Variants in MICAL2 observed in about 807,000 individuals in gnomAD.
MICAL2 encodes microtubule associated monooxygenase, calponin and LIM domain containing 2.
A neutral mutation model predicts 127.3 loss-of-function variants in MICAL2; 77 were observed. That is an observed-to-expected ratio of 0.60 (90% confidence interval 0.50 to 0.73). MICAL2 has a LOEUF of 0.73. Among genes scored for constraint, MICAL2 ranks in the 30% least tolerant of loss-of-function variants. The pLI, the probability that MICAL2 is intolerant of heterozygous loss-of-function variation, is 0.00. For missense variants in MICAL2, 1,351 were observed against 1,434.4 expected, an observed-to-expected ratio of 0.94 and a Z score of 0.94; for synonymous variants, 570 against 551.1, an observed-to-expected ratio of 1.03 and a Z score of -0.48.
chr11:12,321,547 GC>G (rs1487706677), intron 30 of MICAL2, among the ~76,000 whole-genome samples: 1 of 152,166 alleles, frequency 6.6e-6, no homozygotes, highest in Non-Finnish European at 1.5e-5. Flanking sequence ...CTTTGATTCT[GC>G]CAAGCTTCTG....
At chr11:12,245,357 AC>A (rs1277734450) in intron 21 of MICAL2, among the ~76,000 whole-genome samples, 1 of 152,224 alleles carries the variant, frequency 6.6e-6, no homozygotes, top group Non-Finnish European at 1.5e-5. Flanking sequence ...TGATGCACAA[AC>A]CAGCTCCATG....
intron 3 of MICAL2, among the ~76,000 whole-genome samples, chr11:12,169,051 A>G (rs966801237): frequency 1.3e-5 from 2 of 151,796 alleles, no homozygotes; most frequent in Non-Finnish European, 2.9e-5. Context: ...AAAAAAAAGG[A>G]AAGAAAATTT....
upstream of MICAL2, chr11:12,275,889 G>A (rs1027412743): frequency 1.0e-4 from 40 of 398,280 alleles, no homozygotes; most frequent in African/African-American, 7.8e-4. Flanking sequence ...GAGTATCTGA[G>A]TAGACCCCAG....
intron 2 of MICAL2, among the ~76,000 whole-genome samples, chr11:12,150,691 A>G (rs1853477565): frequency 6.6e-6 from 1 of 152,110 alleles, no homozygotes; most frequent in Non-Finnish European, 1.5e-5. Flanking sequence ...TCAAGTCCCA[A>G]AGGCCTAATT....
chr11:12,254,869 T>A (rs1003785493), intron 22 of MICAL2: 1 of 152,050 alleles, frequency 6.6e-6, no homozygotes, highest in African/African-American at 2.4e-5. Flanking sequence ...CGAATTTTTT[T>A]ATTGTGTTAA....
intron 29 of MICAL2, among the ~76,000 whole-genome samples, chr11:12,306,618 C>T (rs1864113037): frequency 1.3e-5 from 2 of 152,276 alleles, no homozygotes; most frequent in Non-Finnish European, 2.9e-5. Flanking sequence ...GAATTAATCC[C>T]TTTTCCATAT....
At chr11:12,234,739 A>G (rs1858787628) in intron 15 of MICAL2, among the ~76,000 whole-genome samples, 4 of 152,180 alleles carry the variant, frequency 2.6e-5, no homozygotes, top group African/African-American at 9.7e-5. Context: ...AGGACAAGAG[A>G]TGAGGATGCA....
chr11:12,164,354 C>T (rs527847604), intron 3 of MICAL2, among the ~76,000 whole-genome samples: 9 of 152,188 alleles, frequency 5.9e-5, no homozygotes, highest in East Asian at 5.8e-4. Flanking sequence ...TCGTAAAAAC[C>T]GCCTGAATGC....
chr11:12,293,480 T>C (rs541363887), downstream of MICAL2: 4 of 1,478,210 alleles, frequency 2.7e-6, no homozygotes, highest in Admixed American at 8.8e-5. Flanking sequence ...GGGAGGGGGT[T>C]GTAGATTGAG....
chr11:12,241,758 G>C (rs1261969203), intron 18 of MICAL2, among the ~76,000 whole-genome samples: 2 of 152,220 alleles, frequency 1.3e-5, no homozygotes, highest in African/African-American at 4.8e-5. Context: ...TTTGTGTGTT[G>C]CTCCCAGGTG....
chr11:12,357,227 G>A (rs948441907), intron 34 of MICAL2, among the ~76,000 whole-genome samples: 2 of 152,210 alleles, frequency 1.3e-5, no homozygotes, highest in African/African-American at 4.8e-5. Flanking sequence ...GTTAGACACA[G>A]GGGCTCTAGG....
At chr11:12,324,583 A>G (rs1436344704) in intron 31 of MICAL2, among the ~76,000 whole-genome samples, 1 of 152,214 alleles carries the variant, frequency 6.6e-6, no homozygotes, top group African/African-American at 2.4e-5. Flanking sequence ...CCACAACTCC[A>G]TCACAGACAG....
Position 12,322,511 on chromosome 11 carries a change from G to T in MICAL2, c.5329-1467G>T, listed in dbSNP as rs556573452. On this transcript the variant is annotated intron_variant, in intron 30 of 34. Transcript: ENST00000646065. ...TCTTTAGGATTTTAGGTCCTAAGGAGAATTCCAGAAAAATAGCCTGTAGGC... is the reference window on the plus strand; with the variant it reads ...TCTTTAGGATTTTAGGTCCTAAGGATAATTCCAGAAAAATAGCCTGTAGGC... Among the ~76,000 whole-genome samples the T allele has an allele frequency of 1.5e-3, 230 of 152,270 alleles. 2 individuals carry two copies. The highest frequency in any genetic ancestry group is 2.6e-3 in the Non-Finnish European group (177 of 68,014).
chr11:12,258,350 G>T, intron 24 of MICAL2, 118 bp from the exon 25 acceptor site: 2 of 781,838 alleles, frequency 2.6e-6, no homozygotes, highest in East Asian at 2.5e-5. Flanking sequence ...AGCCACCCTG[G>T]GCTATTTCCA....
At chr11:12,175,594 T>TGTGTGTGC (rs935016788) in intron 3 of MICAL2, among the ~76,000 whole-genome samples, 2 of 151,890 alleles carry the variant, frequency 1.3e-5, no homozygotes, top group African/African-American at 4.8e-5. Flanking sequence ...TCTGTGTGTG[T>TGTGTGTGC]GTGTGTGTGT....
downstream of MICAL2, chr11:12,294,406 G>A (rs749239443): frequency 1.9e-6 from 3 of 1,614,100 alleles, no homozygotes; most frequent in African/African-American, 4.0e-5. Flanking sequence ...ACGGGGACCA[G>A]CATTCCCCTG....
chr11:12,306,408 T>A (rs1002675869), intron 29 of MICAL2, among the ~76,000 whole-genome samples: 3 of 152,194 alleles, frequency 2.0e-5, no homozygotes, highest in South Asian at 4.1e-4. Flanking sequence ...ATATGGTCAT[T>A]TAGGTAGAAA....
rs377433253 is a variant in MICAL2 at position 12,244,153 on chromosome 11, G to T, written c.2784+41G>T. 863 of 1,610,904 alleles carry T rather than the reference G, an allele frequency of 5.4e-4. 1 individual carries two copies. Among genetic ancestry groups the T allele is most frequent in the Non-Finnish European group, 6.0e-4 (705 of 1,177,274 alleles). ...AATTTGCTTTCCCTATTCCCTGCAT[G>T]TTCCCAGATGTTCTCATGCTCCACT... On this transcript the variant is annotated intron_variant, in intron 21 of 27. Coordinates refer to ENST00000683283, the MANE Select transcript of MICAL2 (RefSeq NM_001282663.2).
intron 2 of MICAL2, among the ~76,000 whole-genome samples, chr11:12,140,651 T>C (rs1349406773): frequency 6.6e-6 from 1 of 152,244 alleles, no homozygotes; most frequent in East Asian, 1.9e-4. Flanking sequence ...AACTAGGTCA[T>C]GCACACTGAA....
Sources: gnomAD v4.1 joint callset for allele counts (sites outside exome capture counted in the v4.1 genomes callset) on GRCh38, gnomAD v4.1.1 for gene constraint, MANE v1.5 for transcripts, NCBI Gene and HGNC (gene_info 2026-07-23, HGNC 2026-07-21) for gene names.